PHACTR3: variants seen among roughly 807,000 people sequenced by gnomAD.
PHACTR3 encodes protein phosphatase 1, regulatory subunit 123.
In PHACTR3, 16 loss-of-function variants were observed where a neutral mutation model predicts 66.8. The ratio of observed to expected loss-of-function variants is 0.24; its 90% CI spans 0.16 to 0.36. The LOEUF (loss-of-function observed/expected upper bound fraction) is 0.36. Among genes scored for constraint, PHACTR3 ranks in the 10% least tolerant of loss-of-function variants. The pLI is 1.00. For missense variants in PHACTR3, 647 were observed against 719.9 expected (o/e 0.90, Z 1.16); for synonymous variants, 323 against 292.1 (o/e 1.11, Z -1.08).
intron 7 of PHACTR3, among the ~76,000 whole-genome samples, chr20:59,785,770 T>C (rs912211610): frequency 2.6e-5 from 4 of 152,160 alleles, no homozygotes; most frequent in Non-Finnish European, 1.5e-5. Flanking sequence ...GTCCAGTGGG[T>C]GTGTCCCTGG....
rs2042281087 is a variant in PHACTR3 at position 59,829,355 on chromosome 20, C to T, written c.1329-7150C>T. Among the ~76,000 whole-genome samples the T allele has an allele frequency of 6.6e-6, 1 of 152,204 alleles. No individual in the cohort carries two copies. On this transcript the variant is annotated intron_variant, in intron 8 of 12. Transcript: ENST00000371015. This position sits in a 1 kb window ranked among gnomAD's most constrained non-coding sequence, Gnocchi z 4.2. ...CTCTGCCTGGATGCCCATCCCAGGT[C>T]TTTCCCTGGGCGGTTTCTTTCATCA...
chr20:59,774,545 A>C (rs2040461404), intron 7 of PHACTR3, 55 bp downstream of exon 7: 2 of 1,577,934 alleles, frequency 1.3e-6, no homozygotes, highest in African/African-American at 2.7e-5. Flanking sequence ...GTCTAGTGTC[A>C]CCAGGGGGTC....
intron 7 of PHACTR3, among the ~76,000 whole-genome samples, chr20:59,791,179 G>T (rs73307116): frequency 0.033 from 4,978 of 152,160 alleles, 282 homozygotes; most frequent in African/African-American, 0.11. Context: ...TGAGAGCTCC[G>T]CCATCATGGA....
Position 59,655,775 on chromosome 20 carries a change from A to G in PHACTR3, c.118+50643A>G, listed in dbSNP as rs191081582. ...TGAGATTTTTCTTTTAAATATAGGAATTTAGAGCTATAGGCTTCTATTTAA... is the reference window on the plus strand; with the variant it reads ...TGAGATTTTTCTTTTAAATATAGGAGTTTAGAGCTATAGGCTTCTATTTAA... On this transcript the variant is annotated intron_variant, in intron 1 of 12. Transcript: ENST00000371015. Among the ~76,000 whole-genome samples the G allele has an allele frequency of 7.2e-4, 110 of 151,942 alleles. 1 individual carries two copies. The highest frequency in any genetic ancestry group is 1.2e-3 in the Non-Finnish European group (79 of 67,780).
chr20:59,726,122 A>G (rs908189682), intron 1 of PHACTR3, among the ~76,000 whole-genome samples: 1 of 152,230 alleles, frequency 6.6e-6, no homozygotes, highest in Non-Finnish European at 1.5e-5. Flanking sequence ...CCCCACAGCC[A>G]GATGCTTTGA....
chr20:59,838,198 C>T (rs2058997920), intron 9 of PHACTR3, among the ~76,000 whole-genome samples: 1 of 152,110 alleles, frequency 6.6e-6, no homozygotes, highest in African/African-American at 2.4e-5. Context: ...AATTTTACTG[C>T]TAGGTTTGTG....
At chr20:59,732,911 C>T (rs1420161255) in intron 1 of PHACTR3, among the ~76,000 whole-genome samples, 1 of 152,070 alleles carries the variant, frequency 6.6e-6, no homozygotes, top group Non-Finnish European at 1.5e-5. Flanking sequence ...TTCCCCTATA[C>T]TGGAAAAGTC....
In PHACTR3 at chr20:59,790,652, A is replaced by G. The variant is rs577248703; in HGVS notation, c.1175-15389A>G. On this transcript the variant is annotated intron_variant, in intron 7 of 12. Transcript: ENST00000371015. The stretch of plus-strand genomic sequence containing the variant: ...AACACCCTGCTTTGGAACCAGGACC[A>G]GCTGTGGTGTGGAGGAAACAGCATA... Among the ~76,000 whole-genome samples the G allele has an allele frequency of 3.5e-4, 54 of 152,378 alleles. 1 individual carries two copies. In the South Asian group the frequency reaches 0.01, roughly 29 times the overall value.
chr20:59,783,411 AAC>A (rs1468460448), intron 7 of PHACTR3, among the ~76,000 whole-genome samples: 7 of 152,114 alleles, frequency 4.6e-5, no homozygotes, highest in Admixed American at 4.6e-4. Flanking sequence ...AATCAGCTGA[AAC>A]AGGGCTGCCC....
At chr20:59,792,105 T>C (rs1160696762) in intron 7 of PHACTR3, among the ~76,000 whole-genome samples, 1 of 152,172 alleles carries the variant, frequency 6.6e-6, no homozygotes, top group Non-Finnish European at 1.5e-5. Flanking sequence ...CTCTTCACTC[T>C]AGAGAGGGCA....
rs73917309 is a variant in PHACTR3 at position 59,829,482 on chromosome 20, G to T, written c.1329-7023G>T. ...ACGCTCTGAGACATAGGGTCAATGTGCCTGTCATCCGTGCACCCAGATGGT... is the reference window on the plus strand; with the variant it reads ...ACGCTCTGAGACATAGGGTCAATGTTCCTGTCATCCGTGCACCCAGATGGT... On this transcript the variant is annotated intron_variant, in intron 8 of 12. Transcript: ENST00000371015. The surrounding 1 kb of genome is among the most constrained non-coding windows in gnomAD (Gnocchi z 4.2). Among the ~76,000 whole-genome samples the T allele has an allele frequency of 4.7e-3, 713 of 152,338 alleles. 4 individuals carry two copies. The highest frequency in any genetic ancestry group is 0.016 in the African/African-American group (671 of 41,576).
chr20:59,583,169 C>T (rs552049357), intron 1 of PHACTR3, among the ~76,000 whole-genome samples: 84 of 152,148 alleles, frequency 5.5e-4, no homozygotes, highest in African/African-American at 1.9e-3. Flanking sequence ...TCTACTATAA[C>T]GTGTGTGAAA....
intron 1 of PHACTR3, among the ~76,000 whole-genome samples, chr20:59,698,911 G>A (rs2037393688): frequency 6.6e-6 from 1 of 152,164 alleles, no homozygotes; most frequent in South Asian, 2.1e-4. Context: ...GCCTAGCTGA[G>A]CCACAGGATG....
intron 1 of PHACTR3, among the ~76,000 whole-genome samples, chr20:59,705,603 GA>G (rs2037671916): frequency 6.6e-6 from 1 of 152,104 alleles, no homozygotes; most frequent in Non-Finnish European, 1.5e-5. Context: ...TCTGAGTGTA[GA>G]TTGGTTCATC....
At chr20:59,586,672 G>A (rs2033038542) in intron 1 of PHACTR3, among the ~76,000 whole-genome samples, 1 of 152,174 alleles carries the variant, frequency 6.6e-6, no homozygotes, top group Non-Finnish European at 1.5e-5. Flanking sequence ...ATTTGCGTTT[G>A]CTTGGGAGTC....
intron 1 of PHACTR3, among the ~76,000 whole-genome samples, chr20:59,689,911 G>A (rs552325842): frequency 1.3e-5 from 2 of 152,114 alleles, no homozygotes; most frequent in African/African-American, 2.4e-5. Context: ...TTGTCTGTGC[G>A]CTGGGAGGAT....
chr20:59,584,308 CTGTGTGTGTGAGGG>C (rs906414413), intron 1 of PHACTR3, among the ~76,000 whole-genome samples: 8 of 148,452 alleles, frequency 5.4e-5, no homozygotes, highest in African/African-American at 2.0e-4. Context: ...CTGTGTGTGA[CTGTGTGTGTGAGGG>C]TGTGAAGCTG....
chr20:59,711,260 C>T (rs954219983), intron 1 of PHACTR3, among the ~76,000 whole-genome samples: 10 of 152,088 alleles, frequency 6.6e-5, no homozygotes, highest in African/African-American at 2.4e-4. Context: ...CATTGTTGTG[C>T]GTAAGGCTTT....
intron 4 of PHACTR3, among the ~76,000 whole-genome samples, chr20:59,759,117 C>T (rs2039909339): frequency 6.6e-6 from 1 of 152,160 alleles, no homozygotes. Context: ...GAGGCCATCT[C>T]TCTGGTAGCA....
Sources: gnomAD v4.1 joint callset for allele counts (sites outside exome capture counted in the v4.1 genomes callset) on GRCh38, gnomAD v4.1.1 for gene constraint, Gnocchi (gnomAD v3.1) non-coding constraint, MANE v1.5 for transcripts, NCBI Gene and HGNC (gene_info 2026-07-23, HGNC 2026-07-21) for gene names.